TNFSF4: variants seen among roughly 807,000 people sequenced by gnomAD.
TNFSF4 encodes the protein TNF superfamily member 4.
Under a neutral mutation model 7.3 loss-of-function variants are expected in TNFSF4, and 4 were observed. The ratio of observed to expected loss-of-function variants is 0.55; its 90% CI spans 0.27 to 1.25. The LOEUF (loss-of-function observed/expected upper bound fraction) is 1.25, where lower values mean the gene tolerates loss of function less well. Among genes scored for constraint, TNFSF4 ranks in the 50% most tolerant of loss-of-function variants. The probability of loss-of-function intolerance (pLI) is 0.12; values close to 1 mark genes in which losing one functional copy is unlikely to be tolerated. For missense variants in TNFSF4, 181 were observed against 208.8 expected (o/e 0.87, Z 0.82); for synonymous variants, 76 against 83.7 (o/e 0.91, Z 0.50).
At chr1:173,340,747 G>A in the TNFSF4 span, among the ~76,000 whole-genome samples, 1 of 151,496 alleles carries the variant, frequency 6.6e-6, no homozygotes. Context: ...GGAATGAGGG[G>A]GAAGAGATAA....
chr1:173,294,346 G>A, the TNFSF4 span, among the ~76,000 whole-genome samples: 3 of 152,036 alleles, frequency 2.0e-5, no homozygotes, highest in South Asian at 2.1e-4. Context: ...GTAAACTAGC[G>A]CAGGAACAGA....
chr1:173,385,308 TG>T, the TNFSF4 span, among the ~76,000 whole-genome samples: 1 of 152,204 alleles, frequency 6.6e-6, no homozygotes, highest in Non-Finnish European at 1.5e-5. Context: ...GGGCAAATAC[TG>T]CCTTCTAGGA....
At chr1:173,290,489 TAAA>T in the TNFSF4 span, among the ~76,000 whole-genome samples, 1 of 151,974 alleles carries the variant, frequency 6.6e-6, no homozygotes, top group Non-Finnish European at 1.5e-5. Flanking sequence ...TAAAAAACAA[TAAA>T]GAAGGGCATT....
the TNFSF4 span, among the ~76,000 whole-genome samples, chr1:173,396,193 G>A: frequency 6.6e-6 from 1 of 152,152 alleles, no homozygotes; most frequent in African/African-American, 2.4e-5. Flanking sequence ...CACAAATCCA[G>A]GGAACAAAAA....
intron 1 of TNFSF4, among the ~76,000 whole-genome samples, chr1:173,196,431 T>A (rs1571194867): frequency 6.7e-6 from 1 of 149,066 alleles, no homozygotes; most frequent in East Asian, 2.0e-4. Context: ...ATTTTCCCAG[T>A]CATCTCTCTC....
At chr1:173,190,046 C>CT (rs1483303380) in intron 1 of TNFSF4, among the ~76,000 whole-genome samples, 1 of 129,036 alleles carries the variant, frequency 7.7e-6, no homozygotes, top group East Asian at 2.0e-4. Context: ...CCCATCTCTG[C>CT]TTAAAAAAAA....
At chr1:173,246,776 T>G in the TNFSF4 span, among the ~76,000 whole-genome samples, 1 of 152,190 alleles carries the variant, frequency 6.6e-6, no homozygotes, top group African/African-American at 2.4e-5. Flanking sequence ...AATGCAACCT[T>G]GCAACCTCTA....
the TNFSF4 span, among the ~76,000 whole-genome samples, chr1:173,270,524 AGAGT>A: frequency 2.0e-5 from 3 of 150,320 alleles, no homozygotes; most frequent in African/African-American, 7.6e-5. Flanking sequence ...ATCATCTAGA[AGAGT>A]GAGAGAGTAA....
chr1:173,316,402 T>C, the TNFSF4 span, among the ~76,000 whole-genome samples: 1 of 152,108 alleles, frequency 6.6e-6, no homozygotes, highest in Non-Finnish European at 1.5e-5. Context: ...TTTTCTAAAA[T>C]GCTTTGTACT....
upstream of TNFSF4, among the ~76,000 whole-genome samples, chr1:173,208,790 A>G (rs1418328515): frequency 2.0e-5 from 3 of 152,096 alleles, no homozygotes; most frequent in Non-Finnish European, 4.4e-5. Flanking sequence ...TTCATAAAAG[A>G]GTATTAAAAT....
Position 173,207,136 on chromosome 1 carries a change from G to A in TNFSF4, c.41C>T (p.Ala14Val). 1 of 1,613,720 alleles carries A rather than the reference G, an allele frequency of 6.2e-7. No homozygotes were observed. The highest frequency in any genetic ancestry group is 2.2e-5 in the East Asian group (1 of 44,878). ...GTTCCTCTCGAATCTTGGCCTGGCT[G>A]CATTTCCCACATTCTCTTCCAGGGG... The part of the protein sequence containing the change: ...VQPLEENVGN[A>V]ARPRFERNKL... The change falls in exon 1 of 3, where the codon GCA (alanine) becomes GTA (valine). Residue 14 changes from alanine (A) to valine (V), a missense_variant. Transcript: ENST00000281834.
the TNFSF4 span, among the ~76,000 whole-genome samples, chr1:173,438,506 G>A: frequency 6.6e-6 from 1 of 151,926 alleles, no homozygotes; most frequent in Non-Finnish European, 1.5e-5. Context: ...TTTTCTTTGT[G>A]AACTGTATCT....
chr1:173,372,633 A>T, the TNFSF4 span, among the ~76,000 whole-genome samples: 16 of 152,124 alleles, frequency 1.1e-4, no homozygotes, highest in Non-Finnish European at 2.1e-4. Flanking sequence ...ACAAGGAAAG[A>T]ATCTCACTGT....
chr1:173,382,417 C>T, the TNFSF4 span, among the ~76,000 whole-genome samples: 1 of 152,142 alleles, frequency 6.6e-6, no homozygotes, highest in African/African-American at 2.4e-5. Flanking sequence ...TCAGCAAGAC[C>T]AAGAAACCAC....
chr1:173,435,074 C>T, the TNFSF4 span, among the ~76,000 whole-genome samples: 1 of 152,182 alleles, frequency 6.6e-6, no homozygotes, highest in African/African-American at 2.4e-5. Flanking sequence ...CTGCAACTCT[C>T]AGCTTCGTGG....
chr1:173,300,495 C>G, the TNFSF4 span, among the ~76,000 whole-genome samples: 1 of 151,838 alleles, frequency 6.6e-6, no homozygotes. Context: ...GGGATTTCCC[C>G]CAATAGTCTC....
chr1:173,384,010 C>T, the TNFSF4 span, among the ~76,000 whole-genome samples: 1 of 152,098 alleles, frequency 6.6e-6, no homozygotes, highest in Admixed American at 6.6e-5. Flanking sequence ...TTCTTTACCC[C>T]CCATTTTCTG....
chr1:173,357,634 C>T, the TNFSF4 span, among the ~76,000 whole-genome samples: 15,736 of 152,084 alleles, frequency 0.1, 1,086 homozygotes, highest in East Asian at 0.18. Flanking sequence ...TGGGTTCAAG[C>T]GATTCTCCTG....
At chr1:173,265,728 A>G in the TNFSF4 span, among the ~76,000 whole-genome samples, 1 of 152,098 alleles carries the variant, frequency 6.6e-6, no homozygotes, top group Non-Finnish European at 1.5e-5. Context: ...TCCCTTCTGC[A>G]TCTCTATTCA....
Sources: gnomAD v4.1 joint callset for allele counts (sites outside exome capture counted in the v4.1 genomes callset) on GRCh38, gnomAD v4.1.1 for gene constraint, MANE v1.5 for transcripts, NCBI Gene and HGNC (gene_info 2026-07-23, HGNC 2026-07-21) for gene names.